The following TERF2 variants were observed in gnomAD, a reference collection of about 807,000 sequenced individuals.
TERF2 encodes telomeric repeat-binding factor 2.
Under a neutral mutation model 56.1 loss-of-function variants are expected in TERF2, and 16 were observed. That is an observed-to-expected ratio of 0.29 (90% confidence interval 0.19 to 0.43). The LOEUF is 0.43. Ranked by LOEUF, TERF2 falls within the 20% of genes least tolerant of loss-of-function variation. The probability of loss-of-function intolerance (pLI) is 1.00; values close to 1 mark genes in which losing one functional copy is unlikely to be tolerated. For synonymous variants in TERF2, 296 were observed against 282.1 expected, an observed-to-expected ratio of 1.05 and a Z score of -0.50; for missense variants, 547 against 712.9, an observed-to-expected ratio of 0.77 and a Z score of 2.65.
intron 5 of TERF2, among the ~76,000 whole-genome samples, chr16:69,369,883 C>G (rs1431254995): frequency 6.6e-6 from 1 of 152,232 alleles, no homozygotes; most frequent in Non-Finnish European, 1.5e-5. Flanking sequence ...GTTCACAAGT[C>G]ATCGCCTTTG....
intron 1 of TERF2, 37 bp downstream of exon 1, chr16:69,385,556 C>A (rs1373750952): frequency 6.5e-7 from 1 of 1,548,152 alleles, no homozygotes; most frequent in Admixed American, 1.7e-5. Flanking sequence ...CCCCCTTCCC[C>A]GGCGCTCCAA....
At chr16:69,373,192 C>T (rs2013642063) in intron 3 of TERF2, among the ~76,000 whole-genome samples, 1 of 152,058 alleles carries the variant, frequency 6.6e-6, no homozygotes, top group South Asian at 2.1e-4. Context: ...CAGCTGGCAA[C>T]TTCAATTAAA....
intron 3 of TERF2, among the ~76,000 whole-genome samples, chr16:69,376,080 A>G (rs1175865801): frequency 1.3e-5 from 2 of 152,144 alleles, no homozygotes; most frequent in Non-Finnish European, 2.9e-5. Flanking sequence ...AGTCCTATTC[A>G]TCAATTTTTC....
At chr16:69,373,672 A>C (rs866232490) in intron 3 of TERF2, among the ~76,000 whole-genome samples, 10 of 152,068 alleles carry the variant, frequency 6.6e-5, no homozygotes, top group Admixed American at 1.3e-4. Context: ...TCTCTCCCCC[A>C]AAAAAACCCA....
At chr16:69,370,398 ATCAAC>A in intron 5 of TERF2, 80 bp downstream of exon 5, 2 of 1,531,700 alleles carry the variant, frequency 1.3e-6, no homozygotes, top group Non-Finnish European at 1.8e-6. Context: ...TTTTTCACAC[ATCAAC>A]TCTTTTCACT....
In TERF2 at chr16:69,374,063, A is replaced by C. The variant is rs141001007; in HGVS notation, c.607-1708T>G. Reference sequence around the variant, plus strand: ...TTGCTGCACAGGGAAGGTACAAAGTAAGTCTTCATTTTACTCAGATGACCA... The same window carrying C: ...TTGCTGCACAGGGAAGGTACAAAGTCAGTCTTCATTTTACTCAGATGACCA... On this transcript the variant is annotated intron_variant, in intron 3 of 9. Transcript: ENST00000254942. Among the ~76,000 whole-genome samples the C allele has an allele frequency of 3.8e-3, 572 of 152,324 alleles. 3 individuals are homozygous for C. The highest frequency in any genetic ancestry group is 0.013 in the African/African-American group (540 of 41,562).
chr16:69,385,511 G>A, intron 1 of TERF2, 25 bp from the exon 2 acceptor site: 2 of 1,613,348 alleles, frequency 1.2e-6, no homozygotes, highest in Non-Finnish European at 1.7e-6. Flanking sequence ...ATCGTTGGCT[G>A]GGCGACCCCC....
At chr16:69,385,010 G>A (rs936853451) in intron 2 of TERF2, among the ~76,000 whole-genome samples, 1 of 152,104 alleles carries the variant, frequency 6.6e-6, no homozygotes, top group East Asian at 1.9e-4. Flanking sequence ...CGAGTGGCAA[G>A]AAACTGACAA....
At chr16:69,376,727 G>C (rs2013798686) in intron 3 of TERF2, among the ~76,000 whole-genome samples, 1 of 151,496 alleles carries the variant, frequency 6.6e-6, no homozygotes, top group African/African-American at 2.4e-5. Context: ...AGGCAAGGTG[G>C]CACATGCTTG....
Position 69,357,110 on chromosome 16 carries a change from A to T in TERF2, c.1471-54T>A, listed in dbSNP as rs34805241. On this transcript the variant is annotated intron_variant, in intron 9 of 9. Transcript: ENST00000254942. ...CCACCTTTCCTCTCCACTTACTTAC[A>T]TTTTCTCCAATGTAGTGATAAGGTA... The T allele has an allele frequency of 2.5e-3, 3,846 of 1,546,044 alleles. 85 individuals are homozygous for T. The African/African-American group carries it at 0.047, about 19-fold the overall frequency.
chr16:69,372,801 G>T (rs920906721), intron 3 of TERF2, among the ~76,000 whole-genome samples: 47 of 152,182 alleles, frequency 3.1e-4, no homozygotes, highest in African/African-American at 1.1e-3. Flanking sequence ...CAAGTGTTAT[G>T]AACCACTGGA....
chr16:69,364,078 T>C (rs2013249616), intron 7 of TERF2, among the ~76,000 whole-genome samples: 1 of 152,202 alleles, frequency 6.6e-6, no homozygotes, highest in Admixed American at 6.5e-5. Context: ...CTGCTGGCTT[T>C]TTACAGGTGT....
At position 69,385,872 on chromosome 16, in the gene TERF2, CG is replaced by C; in HGVS notation, c.99del (p.Glu35ArgfsTer124). On this transcript the variant is annotated frameshift_variant, in exon 1 of 10. Transcript: ENST00000254942. LOFTEE classifies it high-confidence loss of function. ...SQPRKRPGRE[G>X]GEGARRSDTM... ...GTGTCCGATCGCCGCGCGCCCTCCC[CG>C]CCCTCCCGGCCGGGCCGCTTCCTCG... The C allele has an allele frequency of 7.3e-7, 1 of 1,372,520 alleles. No individual in the cohort carries two copies. The allele number at this position is 1,372,520 out of a possible 1,614,324, so 85.0% of individuals were successfully genotyped here. A position where few individuals can be genotyped will look rare whatever the true frequency, so the allele number is the denominator to read the frequency against.
chr16:69,363,496 G>A (rs963355214), intron 7 of TERF2, among the ~76,000 whole-genome samples: 3 of 152,186 alleles, frequency 2.0e-5, no homozygotes, highest in Non-Finnish European at 4.4e-5. Context: ...GTAATGGGCT[G>A]AGTGGTCCTG....
intron 3 of TERF2, 104 bp downstream of exon 3, chr16:69,384,476 C>G: frequency 1.7e-6 from 2 of 1,209,196 alleles, no homozygotes; most frequent in Non-Finnish European, 2.2e-6. Flanking sequence ...CAATCTCTCC[C>G]CATTGCTGTT....
At chr16:69,368,737 T>C in intron 5 of TERF2, 1 of 777,632 alleles carries the variant, frequency 1.3e-6, no homozygotes, top group Non-Finnish European at 1.9e-6. Context: ...AGCACAGTGG[T>C]GCAATCTCGG....
chr16:69,380,433 G>T (rs984054593), intron 3 of TERF2, among the ~76,000 whole-genome samples: 16 of 151,926 alleles, frequency 1.1e-4, no homozygotes, highest in Non-Finnish European at 1.6e-4. Flanking sequence ...GGCCAAGGCG[G>T]GTGGATCATG....
At chr16:69,360,242 G>A (rs757813479) in intron 8 of TERF2, among the ~76,000 whole-genome samples, 5 of 151,730 alleles carry the variant, frequency 3.3e-5, no homozygotes, top group Non-Finnish European at 7.4e-5. Flanking sequence ...AAAATTAGCC[G>A]GGCGTGGTGC....
chr16:69,385,876 C>A lies in TERF2; in HGVS notation c.96G>T (p.Glu32Asp). 7.3e-7 allele frequency: 1 copy of A among 1,373,108 alleles called. No individual in the cohort carries two copies. The highest frequency in any genetic ancestry group is 9.4e-7 in the Non-Finnish European group (1 of 1,061,246). 85.1% of individuals were successfully genotyped at this position (1,373,108 alleles called of 1,614,324 possible). A position where few individuals can be genotyped will look rare whatever the true frequency, so the allele number is the denominator to read the frequency against. Residue 32 changes from glutamate (E) to aspartate (D), a missense_variant, in exon 1 of 10, where the codon GAG becomes GAT. Around this residue, in one of 6 missense-constraint regions of TERF2, gnomAD observed 85 missense variants for 59.5 expected, o/e 1.43. Coordinates refer to ENST00000254942, the MANE Select transcript of TERF2 (RefSeq NM_005652.5). ...CCGATCGCCGCGCGCCCTCCCCGCC[C>A]TCCCGGCCGGGCCGCTTCCTCGGCT... is the stretch of plus-strand genomic sequence containing the variant. ...ASQPRKRPGREGGEGARRSDT... is the reference protein window; with the variant it reads ...ASQPRKRPGRDGGEGARRSDT...
Sources: allele counts gnomAD v4.1 joint callset (sites outside exome capture counted in the v4.1 genomes callset), GRCh38; gene constraint gnomAD v4.1.1; regional missense constraint gnomAD v4.1.1; transcripts MANE v1.5; gene names NCBI Gene and HGNC (gene_info 2026-07-23, HGNC 2026-07-21).